Variants in BRINP3 observed in about 807,000 individuals in gnomAD.
BRINP3 encodes the protein BMP/retinoic acid inducible neural specific 3, also known as BMP/retinoic acid-inducible neural-specific protein 3.
Under a neutral mutation model 71.0 loss-of-function variants are expected in BRINP3, and 19 were observed. That is an observed-to-expected ratio of 0.27 (90% CI 0.19 to 0.39). The LOEUF is 0.39. Ranked by LOEUF, BRINP3 falls within the 10% of genes least tolerant of loss-of-function variation. BRINP3 has a pLI of 1.00. For missense variants in BRINP3, 959 were observed against 940.8 expected (o/e 1.02, Z -0.25); for synonymous variants, 380 against 337.7 (o/e 1.13, Z -1.37).
At chr1:190,238,222 T>C (rs933916653) in intron 4 of BRINP3, among the ~76,000 whole-genome samples, 1 of 152,084 alleles carries the variant, frequency 6.6e-6, no homozygotes, top group African/African-American at 2.4e-5. Context: ...AGGTAGAAAC[T>C]ATACTAGAGA....
At chr1:190,367,870 A>T (rs1270304038) in intron 2 of BRINP3, among the ~76,000 whole-genome samples, 1 of 152,158 alleles carries the variant, frequency 6.6e-6, no homozygotes, top group Non-Finnish European at 1.5e-5. Flanking sequence ...AAAGCCATTC[A>T]ACAATCTCTA....
At chr1:190,323,915 A>C (rs1164170669) in intron 2 of BRINP3, among the ~76,000 whole-genome samples, 1 of 152,020 alleles carries the variant, frequency 6.6e-6, no homozygotes, top group East Asian at 1.9e-4. Context: ...AAAACTAAAT[A>C]AATTGTTGTT....
intron 2 of BRINP3, among the ~76,000 whole-genome samples, chr1:190,428,654 A>G (rs1171035): frequency 0.27 from 41,252 of 151,894 alleles, 6,760 homozygotes; most frequent in Non-Finnish European, 0.37. Context: ...AATAAAATGC[A>G]TATTATTTTG....
intron 7 of BRINP3, among the ~76,000 whole-genome samples, chr1:190,157,980 G>A (rs1237888043): frequency 1.3e-5 from 2 of 152,086 alleles, no homozygotes; most frequent in Non-Finnish European, 2.9e-5. Context: ...AATGCAGCTT[G>A]AGGCCATTAT....
intron 2 of BRINP3, among the ~76,000 whole-genome samples, chr1:190,418,557 A>AT (rs1673156435): frequency 6.6e-6 from 1 of 152,184 alleles, no homozygotes; most frequent in Non-Finnish European, 1.5e-5. Flanking sequence ...TCTGATCATG[A>AT]TAAAAACCAC....
At chr1:190,325,559 G>A (rs1340364904) in intron 2 of BRINP3, among the ~76,000 whole-genome samples, 1 of 152,034 alleles carries the variant, frequency 6.6e-6, no homozygotes, top group East Asian at 1.9e-4. Context: ...ACTTGTAAGT[G>A]ATAGCTGATG....
At chr1:190,339,554 G>C (rs1204463456) in intron 2 of BRINP3, among the ~76,000 whole-genome samples, 3 of 152,022 alleles carry the variant, frequency 2.0e-5, no homozygotes, top group Non-Finnish European at 4.4e-5. Flanking sequence ...CTGAAGAGGA[G>C]ATCTTTTTCT....
intron 2 of BRINP3, among the ~76,000 whole-genome samples, chr1:190,442,847 A>T (rs1365890353): frequency 6.8e-6 from 1 of 146,734 alleles, no homozygotes; most frequent in Admixed American, 6.8e-5. Context: ...GGTTTGAGGT[A>T]TAGGTGCCTT....
intron 2 of BRINP3, among the ~76,000 whole-genome samples, chr1:190,366,396 C>T (rs1669503816): frequency 6.6e-6 from 1 of 152,046 alleles, no homozygotes; most frequent in African/African-American, 2.4e-5. Flanking sequence ...GGTAACTGCC[C>T]CCATGATTGA....
chr1:190,202,011 C>A (rs1470746864), intron 6 of BRINP3, among the ~76,000 whole-genome samples: 1 of 152,102 alleles, frequency 6.6e-6, no homozygotes, highest in East Asian at 1.9e-4. Context: ...AGAGGGCCAC[C>A]ACCCTCCAGA....
chr1:190,395,819 C>T (rs1029762675), intron 2 of BRINP3, among the ~76,000 whole-genome samples: 1 of 151,762 alleles, frequency 6.6e-6, no homozygotes, highest in African/African-American at 2.4e-5. Flanking sequence ...AAGAGTCCAT[C>T]GATGCTCTTT....
chr1:190,319,158 T>C (rs1327340859), intron 2 of BRINP3, among the ~76,000 whole-genome samples: 3 of 152,134 alleles, frequency 2.0e-5, no homozygotes, highest in Non-Finnish European at 4.4e-5. Flanking sequence ...GACTCAAATA[T>C]CGCACCTTCA....
chr1:190,302,001 T>C (rs1159960955), intron 2 of BRINP3, among the ~76,000 whole-genome samples: 2 of 151,636 alleles, frequency 1.3e-5, no homozygotes, highest in African/African-American at 2.4e-5. Flanking sequence ...ACATACTTTA[T>C]TTTCTGAGTA....
chr1:190,336,005 G>C (rs1408395023), intron 2 of BRINP3, among the ~76,000 whole-genome samples: 1 of 151,944 alleles, frequency 6.6e-6, no homozygotes, highest in African/African-American at 2.4e-5. Flanking sequence ...CTACAAGTGG[G>C]ATGTCTGGCA....
At chr1:190,156,379 A>G (rs1571862576) in intron 7 of BRINP3, among the ~76,000 whole-genome samples, 2 of 152,230 alleles carry the variant, frequency 1.3e-5, no homozygotes, top group East Asian at 3.9e-4. Context: ...AGAAAAAAAT[A>G]TAATTTGTAA....
At chr1:190,363,475 G>A (rs912446331) in intron 2 of BRINP3, among the ~76,000 whole-genome samples, 1 of 152,036 alleles carries the variant, frequency 6.6e-6, no homozygotes, top group Non-Finnish European at 1.5e-5. Flanking sequence ...ACCAAGAGAG[G>A]CAAGATATGA....
rs766749833 is a variant in BRINP3 at position 190,301,210 on chromosome 1, T to TATATACACACACATAC, written c.237-19461_237-19460insGTATGTGTGTGTATAT. ...ATGTATATATATACACATACATATA[T>TATATACACACACATAC]ATATATATATATATATATATATATA... is the stretch of plus-strand genomic sequence containing the variant. On this transcript the variant is annotated intron_variant, in intron 2 of 7. Coordinates refer to ENST00000367462, the MANE Select transcript of BRINP3 (RefSeq NM_199051.3). Among the ~76,000 whole-genome samples, 132 of 107,820 alleles carry TATATACACACACATAC rather than the reference T, an allele frequency of 1.2e-3. 2 individuals carry two copies. Among genetic ancestry groups the TATATACACACACATAC allele is most frequent in the Non-Finnish European group, 1.7e-3 (99 of 56,942 alleles). 70.7% of individuals were successfully genotyped at this position (107,820 alleles called of 152,430 possible). A position where few individuals can be genotyped will look rare whatever the true frequency, so the allele number is the denominator to read the frequency against.
chr1:190,180,228 A>T (rs947216786), intron 6 of BRINP3, among the ~76,000 whole-genome samples: 4 of 152,024 alleles, frequency 2.6e-5, no homozygotes, highest in Non-Finnish European at 4.4e-5. Flanking sequence ...ATATTAATGA[A>T]CTCTCTCTAG....
At chr1:190,440,431 G>A (rs867141507) in intron 2 of BRINP3, among the ~76,000 whole-genome samples, 1 of 151,776 alleles carries the variant, frequency 6.6e-6, no homozygotes, top group African/African-American at 2.4e-5. Flanking sequence ...CCGTTCTACG[G>A]CATATTTAGA....
Sources: allele counts gnomAD v4.1 joint callset (sites outside exome capture counted in the v4.1 genomes callset), GRCh38; gene constraint gnomAD v4.1.1; transcripts MANE v1.5; gene names NCBI Gene and HGNC (gene_info 2026-07-23, HGNC 2026-07-21).